Variants in ATP6V1C2 observed in about 807,000 individuals in gnomAD.
ATP6V1C2 encodes the protein V-type proton ATPase subunit C 2.
ATP6V1C2 carries 45 observed loss-of-function variants against 56.8 expected under a neutral mutation model. That is an observed-to-expected ratio of 0.79 (90% CI 0.62 to 1.02). The LOEUF is 1.02. ATP6V1C2 is among the 50% of genes least tolerant of loss of function. The probability of loss-of-function intolerance (pLI) is 0.00; values close to 1 mark genes in which losing one functional copy is unlikely to be tolerated. For synonymous variants in ATP6V1C2, 220 were observed against 201.3 expected (o/e 1.09, Z -0.79); for missense variants, 463 against 519.7 (o/e 0.89, Z 1.06).
intron 3 of ATP6V1C2, among the ~76,000 whole-genome samples, chr2:10,748,677 G>A (rs1319790782): frequency 6.6e-6 from 1 of 152,114 alleles, no homozygotes; most frequent in African/African-American, 2.4e-5. Flanking sequence ...GACAAACATG[G>A]AAGAGCTAAT....
chr2:10,761,418 C>T (rs531577508), intron 4 of ATP6V1C2, among the ~76,000 whole-genome samples: 4 of 152,160 alleles, frequency 2.6e-5, no homozygotes, highest in Non-Finnish European at 5.9e-5. Context: ...GAGGAGTCCC[C>T]GCCATCCTCC....
chr2:10,725,235 C>A (rs1463558748), intron 2 of ATP6V1C2, among the ~76,000 whole-genome samples: 1 of 151,580 alleles, frequency 6.6e-6, no homozygotes, highest in Non-Finnish European at 1.5e-5. Context: ...ACAACATGAC[C>A]AAACCCCATC....
Position 10,764,333 on chromosome 2 carries a change from G to A in ATP6V1C2, c.286G>A (p.Asp96Asn). The A allele has an allele frequency of 6.2e-7, 1 of 1,611,630 alleles. No homozygotes were observed. Among genetic ancestry groups the A allele is most frequent in the Non-Finnish European group, 8.5e-7 (1 of 1,177,756 alleles). The change falls in exon 5 of 14, where the codon GAC (aspartate) becomes AAC (asparagine). Residue 96 changes from aspartate (D) to asparagine (N), a missense_variant and splice_region_variant. Transcript: ENST00000272238. Reference sequence around the variant, plus strand: ...GAAATGTGTTTGTATTCTTCCAGTTGACTTAACATCCTTTGTGACCCACTT... The same window carrying A: ...GAAATGTGTTTGTATTCTTCCAGTTAACTTAACATCCTTTGTGACCCACTT... Reference protein sequence around the residue: ...VQEHLLANGVDLTSFVTHFEW... With the variant: ...VQEHLLANGVNLTSFVTHFEW...
chr2:10,772,954 G>A (rs921471415), intron 8 of ATP6V1C2, among the ~76,000 whole-genome samples: 1 of 152,252 alleles, frequency 6.6e-6, no homozygotes, highest in East Asian at 1.9e-4. Context: ...AGCCAGCCCT[G>A]GCCTAAGTGG....
Position 10,763,395 on chromosome 2 carries a change from C to T in ATP6V1C2, c.284-936C>T, listed in dbSNP as rs986689567. Among the ~76,000 whole-genome samples, 1 of 152,178 alleles carries T rather than the reference C, an allele frequency of 6.6e-6. No homozygotes were observed. Among genetic ancestry groups the T allele is most frequent in the African/African-American group, 2.4e-5 (1 of 41,446 alleles). On this transcript the variant is annotated intron_variant, in intron 4 of 13. Coordinates refer to ENST00000272238, the MANE Select transcript of ATP6V1C2 (RefSeq NM_001039362.2). This position sits in a 1 kb window ranked among gnomAD's most constrained non-coding sequence, Gnocchi z 4.2. ...CTCTAGGCGGTTATCACTGGGCCCCCAGCTCTCTGCGGTGTGTCTGCCTAG... is the reference window on the plus strand; with the variant it reads ...CTCTAGGCGGTTATCACTGGGCCCCTAGCTCTCTGCGGTGTGTCTGCCTAG...
At chr2:10,774,216 T>C (rs1157151614) in intron 8 of ATP6V1C2, among the ~76,000 whole-genome samples, 1 of 152,202 alleles carries the variant, frequency 6.6e-6, no homozygotes, top group African/African-American at 2.4e-5. Flanking sequence ...CATGCCAGCA[T>C]GCTGTGAGAT....
chr2:10,771,623 G>A (rs1664607365), intron 6 of ATP6V1C2, among the ~76,000 whole-genome samples: 1 of 152,210 alleles, frequency 6.6e-6, no homozygotes, highest in South Asian at 2.1e-4. Context: ...CCCTGGAGGG[G>A]AGGAGGCAGC....
intron 12 of ATP6V1C2, among the ~76,000 whole-genome samples, chr2:10,781,004 C>A (rs752787587): frequency 1.1e-4 from 17 of 152,144 alleles, no homozygotes. Context: ...CCTTGGCCCC[C>A]CAAAGTGCTG....
chr2:10,764,208 C>T lies in ATP6V1C2; in HGVS notation c.284-123C>T, dbSNP rs538288029. The T allele has an allele frequency of 2.8e-4, 229 of 806,634 alleles. No individual in the cohort carries two copies. In the African/African-American group the frequency reaches 3.5e-3, roughly 12 times the overall value. 50.0% of individuals were successfully genotyped at this position (806,634 alleles called of 1,614,324 possible). A position where few individuals can be genotyped will look rare whatever the true frequency, so the allele number is the denominator to read the frequency against. On this transcript the variant is annotated intron_variant, in intron 4 of 13. Coordinates refer to ENST00000272238, the MANE Select transcript of ATP6V1C2 (RefSeq NM_001039362.2). ...GCTTTTCCAGAGCCCTGTGCCTGCC[C>T]GCCGGCGTTGCCCATGATGGCTGCC...
At position 10,759,892 on chromosome 2, in the gene ATP6V1C2, G is replaced by A. The variant is rs79968251; in HGVS notation, c.284-4439G>A. Among the ~76,000 whole-genome samples the A allele has an allele frequency of 8.5e-5, 13 of 152,310 alleles. No homozygotes were observed. The East Asian group carries it at 2.5e-3, about 29-fold the overall frequency. On this transcript the variant is annotated intron_variant, in intron 4 of 13. Coordinates refer to ENST00000272238, the MANE Select transcript of ATP6V1C2 (RefSeq NM_001039362.2). Reference sequence around the variant, plus strand: ...GCACAGCCAGTAGAAGTTGGAACTGGCATTTAAATGTGAGCCTTACTGGTT... The same window carrying A: ...GCACAGCCAGTAGAAGTTGGAACTGACATTTAAATGTGAGCCTTACTGGTT...
chr2:10,723,020 A>AG (rs762046882), intron 2 of ATP6V1C2, 42 bp downstream of exon 2: 1 of 1,609,208 alleles, frequency 6.2e-7, no homozygotes, highest in Admixed American at 1.7e-5. Flanking sequence ...TGGATTGGTC[A>AG]GGGGGAGACA....
rs531521918 is a variant in ATP6V1C2 at position 10,780,937 on chromosome 2, G to T, written c.1062-1306G>T. ...TTTTTGTAATTTTAGTAGCGACGGG[G>T]TTTCACCACGTTGGCCAGGCTGGTC... is the stretch of plus-strand genomic sequence containing the variant. On this transcript the variant is annotated intron_variant, in intron 12 of 13. Coordinates refer to ENST00000272238, the MANE Select transcript of ATP6V1C2 (RefSeq NM_001039362.2). The surrounding 1 kb of genome is among the most constrained non-coding windows in gnomAD (Gnocchi z 4.1). Among the ~76,000 whole-genome samples the T allele has an allele frequency of 3.3e-5, 5 of 152,234 alleles. No individual in the cohort carries two copies. The East Asian group carries it at 9.7e-4, about 29-fold the overall frequency.
chr2:10,769,886 A>G (rs1189949615), intron 6 of ATP6V1C2: 4 of 152,172 alleles, frequency 2.6e-5, no homozygotes, highest in East Asian at 1.9e-4. Flanking sequence ...AGTTTTCAAT[A>G]TAATACCTAC....
In ATP6V1C2 at chr2:10,749,130, CAAA is replaced by C. The variant is rs56095492; in HGVS notation, c.198-4833_198-4831del. On this transcript the variant is annotated intron_variant, in intron 3 of 13. Coordinates refer to ENST00000272238, the MANE Select transcript of ATP6V1C2 (RefSeq NM_001039362.2). ...GGACAACAAGAGCAAAACTCCGTCT[CAAA>C]AAAAAAAAAAAAAAAAAGAATGGAG... Among the ~76,000 whole-genome samples, 330 of 94,764 alleles carry C rather than the reference CAAA, an allele frequency of 3.5e-3. 1 individual carries two copies. Among genetic ancestry groups the C allele is most frequent in the African/African-American group, 0.011 (290 of 26,342 alleles). 62.2% of individuals were successfully genotyped at this position (94,764 alleles called of 152,430 possible).
intron 6 of ATP6V1C2, among the ~76,000 whole-genome samples, chr2:10,770,821 G>A: frequency 6.6e-6 from 1 of 152,242 alleles, no homozygotes; most frequent in East Asian, 1.9e-4. Context: ...CACAAACCAA[G>A]TATGCACTGT....
At chr2:10,735,125 T>C (rs1662180666) in intron 3 of ATP6V1C2, among the ~76,000 whole-genome samples, 4 of 152,214 alleles carry the variant, frequency 2.6e-5, no homozygotes, top group South Asian at 4.1e-4. Flanking sequence ...AAATAAAATA[T>C]CTTGTTAAAG....
At chr2:10,764,533 T>C in intron 5 of ATP6V1C2, 108 bp downstream of exon 5, 1 of 938,998 alleles carries the variant, frequency 1.1e-6, no homozygotes, top group Non-Finnish European at 1.7e-6. Flanking sequence ...ACTGGGCCTC[T>C]GGGTTTCTGA....
Position 10,726,556 on chromosome 2 carries a change from A to G in ATP6V1C2, c.184A>G (p.Thr62Ala). ...GLSDELGKLDTFAESLIRRMA... is the reference protein window; with the variant it reads ...GLSDELGKLDAFAESLIRRMA... The stretch of plus-strand genomic sequence containing the variant: ...CTCTGATGAGTTGGGGAAACTCGAC[A>G]CCTTTGCTGAAAGGTAAAATATTCC... The change falls in exon 3 of 14, where the codon ACC (threonine) becomes GCC (alanine). Residue 62 changes from threonine to alanine, a missense_variant. Thr to Ala is a moderately conservative substitution (Grantham distance 58). Transcript: ENST00000272238. The G allele has an allele frequency of 6.2e-7, 1 of 1,613,682 alleles. No individual in the cohort carries two copies.
chr2:10,733,779 T>C (rs1662097233), intron 3 of ATP6V1C2, among the ~76,000 whole-genome samples: 2 of 93,048 alleles, frequency 2.1e-5, no homozygotes, highest in East Asian at 5.1e-4. Context: ...ACCTTCTGGG[T>C]GCTGTGGTGC....
Sources: gnomAD v4.1 joint callset for allele counts (sites outside exome capture counted in the v4.1 genomes callset) on GRCh38, gnomAD v4.1.1 for gene constraint, Gnocchi (gnomAD v3.1) non-coding constraint, MANE v1.5 for transcripts, NCBI Gene and HGNC (gene_info 2026-07-23, HGNC 2026-07-21) for gene names.